SCN1A: variants seen among roughly 807,000 people sequenced by gnomAD.
SCN1A encodes the protein sodium channel protein type 1 subunit alpha.
SCN1A carries 13 observed loss-of-function variants against 193.7 expected under a neutral mutation model. That is an observed-to-expected ratio of 0.07 (90% confidence interval 0.04 to 0.11). The LOEUF is 0.11. Among genes scored for constraint, SCN1A ranks in the 10% least tolerant of loss-of-function variants. The probability of loss-of-function intolerance (pLI) is 1.00; values close to 1 mark genes in which losing one functional copy is unlikely to be tolerated. For missense variants in SCN1A, 1,432 were observed against 2,451.1 expected (o/e 0.58, Z 8.78); for synonymous variants, 781 against 843.6 (o/e 0.93, Z 1.29).
rs1210851545 is a variant in SCN1A, at chr2:165,987,541, C to T, written c.*3704G>A. 4 of 152,208 alleles carry T rather than the reference C, an allele frequency of 2.6e-5. No individual in the cohort carries two copies. Among genetic ancestry groups the T allele is most frequent in the Admixed American group, 1.3e-4 (2 of 15,276 alleles). 9.4% of individuals were successfully genotyped at this position (152,208 alleles called of 1,614,324 possible). A position where few individuals can be genotyped will look rare whatever the true frequency, so the allele number is the denominator to read the frequency against. On this transcript the variant is annotated 3_prime_UTR_variant, in exon 29 of 29. Transcript: ENST00000674923. Reference sequence around the variant, plus strand: ...TTAATTAACATTCAACTGCAAGAAACAGATTTGTACTTTTCCTTATTTACT... The same window carrying T: ...TTAATTAACATTCAACTGCAAGAAATAGATTTGTACTTTTCCTTATTTACT...
chr2:165,994,051 T>A, intron 28 of SCN1A, 95 bp downstream of exon 28: 2 of 1,002,980 alleles, frequency 2.0e-6, no homozygotes, highest in Non-Finnish European at 3.0e-6. Flanking sequence ...TTACAGTGAT[T>A]ATCTCTGATT....
chr2:166,106,382 G>A (rs935033690), intron 2 of SCN1A, among the ~76,000 whole-genome samples: 1 of 152,226 alleles, frequency 6.6e-6, no homozygotes, highest in Non-Finnish European at 1.5e-5. Flanking sequence ...CCATCCCAAG[G>A]TTGGGGTCCA....
In SCN1A at chr2:166,087,980, G is replaced by T. The variant is rs558645912; in HGVS notation, c.-141-10179C>A. On this transcript the variant is annotated intron_variant, in intron 2 of 28. Transcript: ENST00000674923. ...ATTCATTTTTTTAAGTCCCAGAGTA[G>T]AAGAAAATGGAGGTTGAACACTGAA... Among the ~76,000 whole-genome samples, 8 of 152,124 alleles carry T rather than the reference G, an allele frequency of 5.3e-5. 1 individual carries two copies. In the South Asian group the frequency reaches 1.7e-3, roughly 32 times the overall value.
intron 2 of SCN1A, among the ~76,000 whole-genome samples, chr2:166,102,976 C>T (rs1378999220): frequency 3.9e-5 from 6 of 151,956 alleles, no homozygotes; most frequent in African/African-American, 1.5e-4. Context: ...TAATGCACAA[C>T]TTTTGTACCT....
At chr2:166,062,807 A>G (rs1683448274) in intron 4 of SCN1A, among the ~76,000 whole-genome samples, 2 of 152,050 alleles carry the variant, frequency 1.3e-5, no homozygotes, top group South Asian at 4.1e-4. Context: ...AAAAGAATGT[A>G]TTGGTTAGCT....
chr2:166,066,919 A>G (rs1683901479), intron 4 of SCN1A, among the ~76,000 whole-genome samples: 1 of 152,168 alleles, frequency 6.6e-6, no homozygotes. Flanking sequence ...GATCCCCTTT[A>G]TCTAGCCCCA....
intron 2 of SCN1A, among the ~76,000 whole-genome samples, chr2:166,121,070 T>C (rs926449436): frequency 2.0e-5 from 3 of 150,890 alleles, no homozygotes; most frequent in Admixed American, 6.6e-5. Flanking sequence ...CAACCAGATG[T>C]TTACTTCCTG....
intron 19 of SCN1A, among the ~76,000 whole-genome samples, chr2:166,021,874 A>C (rs1317519995): frequency 6.6e-6 from 1 of 152,168 alleles, no homozygotes; most frequent in Non-Finnish European, 1.5e-5. Flanking sequence ...TGAAGGCTTT[A>C]ATTCAAGCAG....
At position 166,016,420 on chromosome 2, in the gene SCN1A, TTTATGTTAATGTGCCA is replaced by T. The variant is rs533348727; in HGVS notation, c.3430-709_3430-694del. On this transcript the variant is annotated intron_variant, in intron 19 of 28. Coordinates refer to ENST00000674923, the MANE Select transcript of SCN1A (RefSeq NM_001165963.4). ...ATTCAGTTTCCTCTGACAAATCATGTTTATGTTAATGTGCCATGTGAAGCTGAAAGAACAAAATCTA... is the reference window on the plus strand; with the variant it reads ...ATTCAGTTTCCTCTGACAAATCATGTTGTGAAGCTGAAAGAACAAAATCTA... 12 of 152,198 alleles carry T rather than the reference TTTATGTTAATGTGCCA, an allele frequency of 7.9e-5. No homozygotes were observed. The East Asian group carries it at 2.3e-3, about 29-fold the overall frequency. The allele number at this position is 152,198 out of a possible 1,614,324, so 9.4% of individuals were successfully genotyped here. A position where few individuals can be genotyped will look rare whatever the true frequency, so the allele number is the denominator to read the frequency against.
At chr2:166,049,195 T>C (rs1698244926) in intron 9 of SCN1A, among the ~76,000 whole-genome samples, 1 of 105,874 alleles carries the variant, frequency 9.4e-6, no homozygotes, top group Non-Finnish European at 2.4e-5. Context: ...AAAGATACTT[T>C]AGACACTTTA....
intron 23 of SCN1A, among the ~76,000 whole-genome samples, chr2:166,007,458 T>TA (rs1559136468): frequency 6.6e-6 from 1 of 151,298 alleles, no homozygotes; most frequent in East Asian, 1.9e-4. Flanking sequence ...GTTAGGAAAT[T>TA]AAAAATACAA....
intron 1 of SCN1A, among the ~76,000 whole-genome samples, chr2:166,135,770 A>G (rs1691832232): frequency 6.6e-6 from 1 of 152,174 alleles, no homozygotes; most frequent in Non-Finnish European, 1.5e-5. Flanking sequence ...GAAAATAATG[A>G]CATTTAGCCT....
intron 1 of SCN1A, among the ~76,000 whole-genome samples, chr2:166,145,099 G>C (rs1692256721): frequency 6.7e-6 from 1 of 149,982 alleles, no homozygotes. Context: ...GTCTCCCAAA[G>C]TGTTGGGATT....
At chr2:166,014,491 C>T (rs1301292736) in intron 20 of SCN1A, among the ~76,000 whole-genome samples, 1 of 150,808 alleles carries the variant, frequency 6.6e-6, no homozygotes, top group Non-Finnish European at 1.5e-5. Context: ...ACAGGTACTT[C>T]TGAGTACCAT....
At chr2:166,144,275 G>A (rs1400355246) in intron 1 of SCN1A, among the ~76,000 whole-genome samples, 2 of 152,152 alleles carry the variant, frequency 1.3e-5, no homozygotes, top group African/African-American at 4.8e-5. Context: ...GAAAAGAGAT[G>A]GTCTGTTGCT....
chr2:166,118,177 A>C (rs1205093779), intron 2 of SCN1A, among the ~76,000 whole-genome samples: 1 of 150,656 alleles, frequency 6.6e-6, no homozygotes, highest in Non-Finnish European at 1.5e-5. Flanking sequence ...AGGGAGAGTA[A>C]GATAAAGTTT....
chr2:166,062,442 C>T (rs1683407946), intron 4 of SCN1A, among the ~76,000 whole-genome samples: 1 of 152,032 alleles, frequency 6.6e-6, no homozygotes, highest in African/African-American at 2.4e-5. Context: ...GCTTACATAG[C>T]CAAGAAGCCG....
At chr2:166,040,753 A>G (rs1053481448) in intron 16 of SCN1A, among the ~76,000 whole-genome samples, 1 of 152,196 alleles carries the variant, frequency 6.6e-6, no homozygotes, top group Non-Finnish European at 1.5e-5. Context: ...TCAATAGTTC[A>G]TGGTTTTGAT....
At chr2:165,985,257 TA>T (rs1688539088), downstream of SCN1A, 1 of 142,174 alleles carries the variant, frequency 7.0e-6, no homozygotes, top group South Asian at 2.2e-4. Context: ...GATATAAAAG[TA>T]TGGATTGAAG....
Sources: gnomAD v4.1 joint callset for allele counts (sites outside exome capture counted in the v4.1 genomes callset) on GRCh38, gnomAD v4.1.1 for gene constraint, MANE v1.5 for transcripts, NCBI Gene and HGNC (gene_info 2026-07-23, HGNC 2026-07-21) for gene names.